CRIM1: variants seen among roughly 807,000 people sequenced by gnomAD.
CRIM1 encodes the protein cysteine-rich motor neuron 1 protein.
Under a neutral mutation model 116.4 loss-of-function variants are expected in CRIM1, and 32 were observed. The ratio of observed to expected loss-of-function variants is 0.27; its 90% CI spans 0.21 to 0.37. The LOEUF is 0.37. Ranked by LOEUF, CRIM1 falls within the 10% of genes least tolerant of loss-of-function variation. The pLI is 1.00. For synonymous variants in CRIM1, 590 were observed against 509.2 expected, an observed-to-expected ratio of 1.16 and a Z score of -2.13; for missense variants, 1,331 against 1,354.8, an observed-to-expected ratio of 0.98 and a Z score of 0.28.
intron 7 of CRIM1, among the ~76,000 whole-genome samples, chr2:36,497,585 A>G (rs1485169776): frequency 2.0e-5 from 3 of 152,224 alleles, no homozygotes; most frequent in Non-Finnish European, 2.9e-5. Flanking sequence ...GTTTACAGTT[A>G]TCTGTCAGGA....
intron 4 of CRIM1, among the ~76,000 whole-genome samples, chr2:36,455,314 T>C (rs943203150): frequency 5.9e-5 from 9 of 152,200 alleles, no homozygotes; most frequent in African/African-American, 2.2e-4. Flanking sequence ...ATAAAACAGC[T>C]AACAGGTGTT....
intron 3 of CRIM1, among the ~76,000 whole-genome samples, chr2:36,442,301 G>A (rs901470422): frequency 1.3e-5 from 2 of 150,150 alleles, no homozygotes; most frequent in Non-Finnish European, 1.5e-5. Context: ...TCCTTTGTCC[G>A]TCTCTTGAAC....
chr2:36,535,107 G>C lies in CRIM1; in HGVS notation c.2429-2245G>C, dbSNP rs959748824. On this transcript the variant is annotated intron_variant, in intron 13 of 16. Coordinates refer to ENST00000280527, the MANE Select transcript of CRIM1 (RefSeq NM_016441.3). ...AAGGAAAGAAGGAATGAAGGAGAGA[G>C]GGAAGGAGGGAGGGAGGGAGGGAGG... Among the ~76,000 whole-genome samples, 5 of 136,228 alleles carry C rather than the reference G, an allele frequency of 3.7e-5. No homozygotes were observed. The South Asian group carries it at 1.0e-3, about 28-fold the overall frequency. The allele number at this position is 136,228 out of a possible 152,430, so 89.4% of individuals were successfully genotyped here. A position where few individuals can be genotyped will look rare whatever the true frequency, so the allele number is the denominator to read the frequency against.
chr2:36,356,400 C>G lies in CRIM1; in HGVS notation c.108C>G (p.Val36=), dbSNP rs779909912. The G allele has an allele frequency of 5.6e-6, 9 of 1,606,114 alleles. No individual in the cohort carries two copies. Among genetic ancestry groups the G allele is most frequent in the Non-Finnish European group, 5.9e-6 (7 of 1,177,996 alleles). ...CGCGCTCCGGCACCCGGGCGCTGGT[C>G]TGCCTGCCCTGTGACGAGTCCAAGT... ...LLARSGTRAL[V]CLPCDESKCE... The change falls in exon 1 of 17, where the codon GTC becomes GTG. Residue 36 remains valine, a synonymous_variant. Transcript: ENST00000280527. The surrounding 1 kb of genome is among the most constrained non-coding windows in gnomAD (Gnocchi z 4.3).
intron 2 of CRIM1, among the ~76,000 whole-genome samples, chr2:36,429,468 A>G (rs1260483519): frequency 1.3e-5 from 2 of 152,172 alleles, no homozygotes; most frequent in Admixed American, 6.5e-5. Flanking sequence ...GGGTTGCTGT[A>G]TGGTATAGAA....
intron 11 of CRIM1, among the ~76,000 whole-genome samples, chr2:36,516,929 G>C (rs1665066243): frequency 6.6e-6 from 1 of 152,174 alleles, no homozygotes; most frequent in African/African-American, 2.4e-5. Context: ...CATGTGAAGT[G>C]CTTAGCATGG....
chr2:36,416,070 T>C (rs1673595835), intron 2 of CRIM1, among the ~76,000 whole-genome samples: 1 of 152,088 alleles, frequency 6.6e-6, no homozygotes, highest in South Asian at 2.1e-4. Context: ...TAGCTTGGCA[T>C]GGTAGGGTGT....
chr2:36,382,377 C>T (rs1426106822), intron 1 of CRIM1, among the ~76,000 whole-genome samples: 2 of 152,246 alleles, frequency 1.3e-5, no homozygotes, highest in Admixed American at 1.3e-4. Context: ...GCTTGTGTTT[C>T]CTGTGCAGCT....
At chr2:36,479,204 C>G (rs958070598) in intron 6 of CRIM1, among the ~76,000 whole-genome samples, 5 of 152,232 alleles carry the variant, frequency 3.3e-5, no homozygotes, top group East Asian at 3.8e-4. Flanking sequence ...ACCCACAGCT[C>G]TTGCCACAAA....
chr2:36,470,855 A>G (rs1220148873), intron 5 of CRIM1, among the ~76,000 whole-genome samples: 2 of 152,300 alleles, frequency 1.3e-5, no homozygotes, highest in Admixed American at 6.5e-5. Flanking sequence ...AACTAAATCA[A>G]TTGAAAACCT....
chr2:36,386,269 CAGGA>C (rs1671161152), intron 1 of CRIM1, among the ~76,000 whole-genome samples: 1 of 152,140 alleles, frequency 6.6e-6, no homozygotes, highest in African/African-American at 2.4e-5. Context: ...ACAGAAGTGG[CAGGA>C]AGGGAGATTA....
chr2:36,538,147 C>T (rs893494120), intron 14 of CRIM1, among the ~76,000 whole-genome samples: 1 of 152,158 alleles, frequency 6.6e-6, no homozygotes, highest in Non-Finnish European at 1.5e-5. Flanking sequence ...TCTTTCCCCA[C>T]GCCCCACTCT....
In CRIM1 at chr2:36,547,029, C is replaced by A. The variant is rs753987725; in HGVS notation, c.2792C>A (p.Pro931Gln). ...QVDYRDNRLH[P>Q]SEDSSLDSIA... ...GATTACAGAGATAACAGGCTGCACCCAAGTGAAGATTCTTCACTGGACTCC... is the reference window on the plus strand; with the variant it reads ...GATTACAGAGATAACAGGCTGCACCAAAGTGAAGATTCTTCACTGGACTCC... Residue 931 changes from proline (P) to glutamine (Q), a missense_variant, in exon 16 of 17, where the codon CCA (proline) becomes CAA (glutamine). Physicochemically the swap from Pro to Gln is moderately conservative, Grantham distance 76 (BLOSUM62 -1). This residue lies in a region of CRIM1 where 283 missense variants were observed against 242.8 expected (regional missense o/e 1.17). Transcript: ENST00000280527. 9 of 1,612,862 alleles carry A rather than the reference C, an allele frequency of 5.6e-6. No homozygotes were observed. The highest frequency in any genetic ancestry group is 7.6e-6 in the Non-Finnish European group (9 of 1,179,148).
chr2:36,358,027 G>A (rs1193542625), intron 1 of CRIM1, among the ~76,000 whole-genome samples: 1 of 152,296 alleles, frequency 6.6e-6, no homozygotes, highest in Non-Finnish European at 1.5e-5. Flanking sequence ...GAAAATAGGG[G>A]AGGGTTTTCT....
intron 1 of CRIM1, among the ~76,000 whole-genome samples, chr2:36,368,568 C>A (rs561246569): frequency 5.9e-5 from 9 of 152,294 alleles, no homozygotes; most frequent in African/African-American, 2.2e-4. Flanking sequence ...AGCTTGTTTG[C>A]CTTGTGGTTA....
rs377285102 is a variant in CRIM1 at position 36,458,345 on chromosome 2, G to T, written c.870-6189G>T. On this transcript the variant is annotated intron_variant, in intron 4 of 16. Coordinates refer to ENST00000280527, the MANE Select transcript of CRIM1 (RefSeq NM_016441.3). ...ATTCCTGTTCTTTGCTGAAAGGGCT[G>T]TGGGAGGGGCAAACAGGACTCCTAG... 4.6e-5 allele frequency among the ~76,000 whole-genome samples: 7 copies of T among 152,170 alleles called. No individual in the cohort carries two copies. In the East Asian group the frequency reaches 9.6e-4, roughly 21 times the overall value.
intron 12 of CRIM1, among the ~76,000 whole-genome samples, chr2:36,519,725 C>A (rs1003096432): frequency 6.6e-6 from 1 of 152,180 alleles, no homozygotes; most frequent in Non-Finnish European, 1.5e-5. Context: ...AGCTTTCCCT[C>A]TTCTCTGGCC....
rs372161825 is a variant in CRIM1 at position 36,402,431 on chromosome 2, C to T, written c.505+5644C>T. On this transcript the variant is annotated intron_variant, in intron 2 of 16. Coordinates refer to ENST00000280527, the MANE Select transcript of CRIM1 (RefSeq NM_016441.3). ...TTGAAGGACTAGCAAGAAGAAACAG[C>T]GTGACCAGAATGGGGGGGAGGGAGG... Among the ~76,000 whole-genome samples the T allele has an allele frequency of 2.5e-4, 32 of 128,722 alleles. 1 individual carries two copies. In the East Asian group the frequency reaches 4.9e-3, roughly 20 times the overall value. The allele number at this position is 128,722 out of a possible 152,430, so 84.4% of individuals were successfully genotyped here.
rs562858585 is a variant in CRIM1 at position 36,452,014 on chromosome 2, C to T, written c.869+9279C>T. On this transcript the variant is annotated intron_variant, in intron 4 of 16. Transcript: ENST00000280527. ...CCAGTTTTAACTATCCCTGCATATG[C>T]ATTTTCAAAGGGACTTTATCTAATT... is the stretch of plus-strand genomic sequence containing the variant. 1.2e-4 allele frequency among the ~76,000 whole-genome samples: 18 copies of T among 152,224 alleles called. No individual in the cohort carries two copies. The South Asian group carries it at 3.3e-3, about 28-fold the overall frequency.
Sources: allele counts gnomAD v4.1 joint callset (sites outside exome capture counted in the v4.1 genomes callset), GRCh38; gene constraint gnomAD v4.1.1; regional missense constraint gnomAD v4.1.1; non-coding constraint Gnocchi (gnomAD v3.1); transcripts MANE v1.5; gene names NCBI Gene and HGNC (gene_info 2026-07-23, HGNC 2026-07-21).